ANO7: variants seen among roughly 807,000 people sequenced by gnomAD.
The protein encoded by ANO7 is anoctamin-7.
Under a neutral mutation model 115.8 loss-of-function variants are expected in ANO7, and 114 were observed. The observed-to-expected ratio is 0.98, with a 90% CI of 0.85 to 1.15. ANO7 has a LOEUF of 1.15. Ranked by LOEUF, ANO7 falls within the 50% of genes most tolerant of loss-of-function variation. ANO7 has a pLI of 0.00. For missense variants in ANO7, 1,302 were observed against 1,201.2 expected (o/e 1.08, Z -1.24); for synonymous variants, 550 against 498.2 (o/e 1.10, Z -1.38).
At chr2:241,230,376 A>C, downstream of ANO7, 1 of 763,400 alleles carries the variant, frequency 1.3e-6, no homozygotes, top group Non-Finnish European at 2.2e-6. This position sits in a 1 kb window ranked among gnomAD's most constrained non-coding sequence, Gnocchi z 5.0. Flanking sequence ...AAACGTTTTA[A>C]AATCTGGTTT....
intron 1 of ANO7, 131 bp from the exon 2 acceptor site, chr2:241,189,926 C>T: frequency 1.5e-6 from 1 of 664,882 alleles, no homozygotes; most frequent in Non-Finnish European, 2.5e-6. Context: ...TCTGCCGAGC[C>T]AGCCCAGCCC....
intron 4 of ANO7, among the ~76,000 whole-genome samples, chr2:241,198,895 C>A (rs1439558285): frequency 6.6e-6 from 1 of 152,248 alleles, no homozygotes; most frequent in African/African-American, 2.4e-5. Flanking sequence ...TGTCCGTGCA[C>A]AGCATGCATG....
rs556346577 is a variant in ANO7, at chr2:241,213,801, G to A, written c.1729-1004G>A. ...GGAGGAGGAGAGAAACTTCGCATGGGGTCTGGGCCATGAGCCAGCCCAACT... is the reference window on the plus strand; with the variant it reads ...GGAGGAGGAGAGAAACTTCGCATGGAGTCTGGGCCATGAGCCAGCCCAACT... On this transcript the variant is annotated intron_variant, in intron 17 of 24. Coordinates refer to ENST00000674324, the MANE Select transcript of ANO7 (RefSeq NM_001370694.2). 9.2e-5 allele frequency among the ~76,000 whole-genome samples: 14 copies of A among 152,320 alleles called. No homozygotes were observed. The South Asian group carries it at 1.7e-3, about 18-fold the overall frequency.
Position 241,224,210 on chromosome 2 carries a change from G to A in ANO7, c.*57G>A. 3 of 1,588,830 alleles carry A rather than the reference G, an allele frequency of 1.9e-6. No individual in the cohort carries two copies. Among genetic ancestry groups the A allele is most frequent in the Middle Eastern group, 3.3e-4 (2 of 5,992 alleles). Reference sequence around the variant, plus strand: ...GAGTGGCCCCTCCTGAGCCCTGCGAGCAGCGTCCTTTTCCTCTTCCCTCAG... The same window carrying A: ...GAGTGGCCCCTCCTGAGCCCTGCGAACAGCGTCCTTTTCCTCTTCCCTCAG... On this transcript the variant is annotated 3_prime_UTR_variant, in exon 25 of 25. Coordinates refer to ENST00000674324, the MANE Select transcript of ANO7 (RefSeq NM_001370694.2).
Position 241,210,365 on chromosome 2 carries a change from G to T in ANO7, c.1430G>T (p.Arg477Met). 1 of 1,614,064 alleles carries T rather than the reference G, an allele frequency of 6.2e-7. No individual in the cohort carries two copies. The highest frequency in any genetic ancestry group is 8.5e-7 in the Non-Finnish European group (1 of 1,180,004). ...YRAIMAIVVS[R>M]SGNTLLAAWA... is the part of the protein sequence containing the mutation. ...GCCATCATGGCCATCGTGGTGTCCA[G>T]GTCGGGCAACACCCTTCTCGCAGCC... is the stretch of plus-strand genomic sequence containing the variant. Residue 477 changes from arginine (R) to methionine (M), a missense_variant, in exon 14 of 25, where the codon AGG (arginine) becomes ATG (methionine). Coordinates refer to ENST00000674324, the MANE Select transcript of ANO7 (RefSeq NM_001370694.2).
At chr2:241,236,867 G>A in the ANO7 span, 1 of 1,344,582 alleles carries the variant, frequency 7.4e-7, no homozygotes, top group Non-Finnish European at 1.0e-6. Flanking sequence ...GCTGGGTGCT[G>A]GGTGGTAAAA....
rs1559453392 is a variant in ANO7 at position 241,214,882 on chromosome 2, C to T, written c.1806C>T (p.Asn602=). 1 of 1,612,834 alleles carries T rather than the reference C, an allele frequency of 6.2e-7. No individual in the cohort carries two copies. ...VIMVGKQVIN[N]MQEVLIPKLK... is the part of the protein sequence containing the mutation. ...TGGTGGGCAAGCAGGTCATCAACAA[C>T]ATGCAGGAGGTCCTCATCCCGTGAG... The change falls in exon 18 of 25, where the codon AAC becomes AAT. Residue 602 remains asparagine (N), a synonymous_variant. Transcript: ENST00000674324.
Position 241,224,253 on chromosome 2 carries a change from C to G in ANO7, c.*100C>G, listed in dbSNP as rs922455869. On this transcript the variant is annotated 3_prime_UTR_variant, in exon 25 of 25. Coordinates refer to ENST00000674324, the MANE Select transcript of ANO7 (RefSeq NM_001370694.2). ...TCCCTCAGGCAGCGGCTGTGTGAAC[C>G]GCTGGCTGCTGTTGTGCCTCATCTC... 45 of 1,354,234 alleles carry G rather than the reference C, an allele frequency of 3.3e-5. No homozygotes were observed. In the East Asian group the frequency reaches 1.1e-3, roughly 33 times the overall value. The allele number at this position is 1,354,234 out of a possible 1,614,324, so 83.9% of individuals were successfully genotyped here. A position where few individuals can be genotyped will look rare whatever the true frequency, so the allele number is the denominator to read the frequency against.
At chr2:241,218,458 G>T in intron 21 of ANO7, 77 bp downstream of exon 21, 1 of 1,208,428 alleles carries the variant, frequency 8.3e-7, no homozygotes, top group Non-Finnish European at 1.0e-6. Flanking sequence ...GGGTGGGGGT[G>T]CGGCGGTGGG....
At position 241,225,414 on chromosome 2, in the gene ANO7, A is replaced by G. The variant is rs533984200; in HGVS notation, c.*1261A>G. The G allele has an allele frequency of 2.0e-5, 3 of 151,852 alleles. No individual in the cohort carries two copies. Among genetic ancestry groups the G allele is most frequent in the African/African-American group, 4.8e-5 (2 of 41,308 alleles). 9.4% of individuals were successfully genotyped at this position (151,852 alleles called of 1,614,324 possible). ...GTGGCGGGCATCTGTAATCCCAGCT[A>G]TTTGGGAGGCTGAGGCAGGAGAATC... On this transcript the variant is annotated 3_prime_UTR_variant, in exon 25 of 25. Transcript: ENST00000674324.
chr2:241,229,953 G>A (rs563969512), downstream of ANO7: 40 of 1,598,918 alleles, frequency 2.5e-5, no homozygotes, highest in Middle Eastern at 3.4e-4. Context: ...TGTCCACCAC[G>A]TCAGCTAGCT....
intron 3 of ANO7, 27 bp from the exon 4 acceptor site, chr2:241,195,676 C>G: frequency 6.2e-7 from 1 of 1,610,196 alleles, no homozygotes; most frequent in African/African-American, 1.3e-5. Context: ...TAGCCAGGCT[C>G]CTGCCTCTGT....
downstream of ANO7, chr2:241,230,333 G>C: frequency 2.0e-6 from 2 of 1,008,054 alleles, no homozygotes; most frequent in Non-Finnish European, 3.0e-6. This position sits in a 1 kb window ranked among gnomAD's most constrained non-coding sequence, Gnocchi z 5.0. Context: ...AAAATTATGT[G>C]TCAATTTCTA....
chr2:241,210,588 G>T lies in ANO7; in HGVS notation c.1561+18G>T, dbSNP rs372997735. The T allele has an allele frequency of 6.2e-7, 1 of 1,608,586 alleles. No homozygotes were observed. Among genetic ancestry groups the T allele is most frequent in the East Asian group, 2.2e-5 (1 of 44,862 alleles). On this transcript the variant is annotated intron_variant, in intron 15 of 24. Coordinates refer to ENST00000674324, the MANE Select transcript of ANO7 (RefSeq NM_001370694.2). ...ACGATGGGGTGAGTGGGCTGAGGCC[G>T]GCCAGGCACTGACCAGGGGCCCACC...
At chr2:241,221,017 C>T (rs182852136) in intron 21 of ANO7, among the ~76,000 whole-genome samples, 1 of 151,674 alleles carries the variant, frequency 6.6e-6, no homozygotes, top group African/African-American at 2.4e-5. Context: ...TTTACAGATG[C>T]CTGCTGGTGA....
intron 4 of ANO7, chr2:241,196,241 G>A (rs1016699877): frequency 9.8e-6 from 9 of 921,276 alleles, no homozygotes; most frequent in South Asian, 3.7e-5. Context: ...GTTTGCTTTC[G>A]GTGATAATGG....
chr2:241,238,779 C>G, the ANO7 span: 5 of 1,506,832 alleles, frequency 3.3e-6, no homozygotes, highest in Middle Eastern at 1.8e-4. This position sits in a 1 kb window ranked among gnomAD's most constrained non-coding sequence, Gnocchi z 4.9. Flanking sequence ...CTAATGTCAC[C>G]TGAGCTTCCT....
intron 11 of ANO7, 83 bp downstream of exon 11, chr2:241,207,753 C>A: frequency 8.0e-7 from 1 of 1,242,626 alleles, no homozygotes; most frequent in Non-Finnish European, 1.2e-6. Flanking sequence ...CCTGACTCTG[C>A]CTGCACCAGC....
chr2:241,223,093 G>C (rs2069064909), intron 21 of ANO7, 93 bp from the exon 22 acceptor site: 1 of 1,133,386 alleles, frequency 8.8e-7, no homozygotes, highest in Non-Finnish European at 1.3e-6. Context: ...AGAGCGAAAT[G>C]GTGGAAAAAG....
Sources: allele counts gnomAD v4.1 joint callset (sites outside exome capture counted in the v4.1 genomes callset), GRCh38; gene constraint gnomAD v4.1.1; non-coding constraint Gnocchi (gnomAD v3.1); transcripts MANE v1.5; gene names NCBI Gene and HGNC (gene_info 2026-07-23, HGNC 2026-07-21).